USP31: variants seen among roughly 807,000 people sequenced by gnomAD.
USP31 encodes the protein ubiquitin carboxyl-terminal hydrolase 31.
Under a neutral mutation model 119.4 loss-of-function variants are expected in USP31, and 44 were observed. The observed-to-expected ratio is 0.37, with a 90% CI of 0.29 to 0.47. The LOEUF (loss-of-function observed/expected upper bound fraction) is 0.47, where lower values mean the gene tolerates loss of function less well. Among genes scored for constraint, USP31 ranks in the 20% least tolerant of loss-of-function variants. The pLI is 0.99. For synonymous variants in USP31, 749 were observed against 705.6 expected, an observed-to-expected ratio of 1.06 and a Z score of -0.97; for missense variants, 1,643 against 1,730.2, an observed-to-expected ratio of 0.95 and a Z score of 0.89.
intron 1 of USP31, among the ~76,000 whole-genome samples, chr16:23,117,975 G>C (rs888445847): frequency 2.0e-5 from 3 of 152,114 alleles, no homozygotes; most frequent in Non-Finnish European, 4.4e-5. Context: ...TTTTAGTAGA[G>C]ATGGGGTTTC....
At position 23,090,658 on chromosome 16, in the gene USP31, A is replaced by T. The variant is rs755441988; in HGVS notation, c.1381T>A (p.Cys461Ser). ...TGTTGCCCAGTGCAGGCTCGGTTACACACCAACAGGACAATCTTGTCGCTG... is the reference window on the plus strand; with the variant it reads ...TGTTGCCCAGTGCAGGCTCGGTTACTCACCAACAGGACAATCTTGTCGCTG... ...AGSDKIVLLV[C>S]NRACTGQQGK... The change falls in exon 7 of 16, where the codon TGT becomes AGT. Residue 461 changes from cysteine (C) to serine (S), a missense_variant. This residue lies in a region of USP31 where 219 missense variants were observed against 226.4 expected (regional missense o/e 0.97). Coordinates refer to ENST00000219689, the MANE Select transcript of USP31 (RefSeq NM_020718.4). 8 of 1,613,864 alleles carry T rather than the reference A, an allele frequency of 5.0e-6. No homozygotes were observed. The highest frequency in any genetic ancestry group is 5.9e-6 in the Non-Finnish European group (7 of 1,179,784).
intron 1 of USP31, among the ~76,000 whole-genome samples, chr16:23,125,628 G>C (rs1054972264): frequency 1.3e-5 from 2 of 152,138 alleles, no homozygotes; most frequent in Non-Finnish European, 2.9e-5. Context: ...TTTTAAAGGA[G>C]TTTGTCCTTT....
intron 11 of USP31, among the ~76,000 whole-genome samples, chr16:23,084,049 G>A (rs1900977792): frequency 6.6e-6 from 1 of 152,134 alleles, no homozygotes; most frequent in Admixed American, 6.6e-5. Flanking sequence ...TTGAAATTAA[G>A]CAGAAGAAGA....
chr16:23,079,918 C>T, intron 13 of USP31, 28 bp downstream of exon 13: 1 of 1,560,912 alleles, frequency 6.4e-7, no homozygotes, highest in Non-Finnish European at 8.7e-7. Context: ...CTCGCCAGCA[C>T]AGACACGCAG....
chr16:23,080,215 A>G, intron 12 of USP31, 44 bp from the exon 13 acceptor site: 15 of 1,487,564 alleles, frequency 1.0e-5, no homozygotes, highest in Non-Finnish European at 1.4e-5. Context: ...TTTTAATGCA[A>G]GCAGATGGCA....
intron 12 of USP31, 149 bp from the exon 13 acceptor site, chr16:23,080,320 G>A (rs1359352116): frequency 4.3e-6 from 3 of 703,196 alleles, no homozygotes; most frequent in Non-Finnish European, 7.0e-6. Flanking sequence ...GGAAACAGAT[G>A]ATAGTTTTAG....
chr16:23,097,807 T>C (rs1901678092), intron 6 of USP31, among the ~76,000 whole-genome samples: 1 of 152,184 alleles, frequency 6.6e-6, no homozygotes, highest in South Asian at 2.1e-4. Context: ...AAACTAGGCA[T>C]TGATGGAACG....
At chr16:23,118,782 C>T (rs1006372213) in intron 1 of USP31, among the ~76,000 whole-genome samples, 2 of 152,026 alleles carry the variant, frequency 1.3e-5, no homozygotes, top group East Asian at 1.9e-4. Context: ...AGGCATTACG[C>T]TTATTGCTTA....
At chr16:23,108,825 G>A (rs1338029997) in intron 1 of USP31, among the ~76,000 whole-genome samples, 1 of 151,964 alleles carries the variant, frequency 6.6e-6, no homozygotes, top group Non-Finnish European at 1.5e-5. Context: ...TAAAAGTTTT[G>A]TTTCAAACTT....
chr16:23,110,683 T>A (rs1295300459), intron 1 of USP31, among the ~76,000 whole-genome samples: 1 of 152,156 alleles, frequency 6.6e-6, no homozygotes, highest in East Asian at 1.9e-4. Flanking sequence ...CACTTCCTAT[T>A]TGTGAGGCCT....
In USP31 at chr16:23,080,025, C is replaced by T; in HGVS notation, c.2097G>A (p.Gly699=). ...CATAGATGTAGTCCTCAGGGTCCCT[C>T]CCGAGTCCATAGGGCCGTCTCCACG... ...WSPWRRPYGL[G]RDPEDYIYDL... Residue 699 remains glycine, a synonymous_variant, in exon 13 of 16, where the codon GGG becomes GGA. Coordinates refer to ENST00000219689, the MANE Select transcript of USP31 (RefSeq NM_020718.4). 1 of 1,614,098 alleles carries T rather than the reference C, an allele frequency of 6.2e-7. No individual in the cohort carries two copies. Among genetic ancestry groups the T allele is most frequent in the Non-Finnish European group, 8.5e-7 (1 of 1,180,016 alleles).
intron 12 of USP31, 83 bp from the exon 13 acceptor site, chr16:23,080,254 A>G (rs1293965807): frequency 7.3e-6 from 9 of 1,232,882 alleles, no homozygotes; most frequent in Non-Finnish European, 1.1e-6. Flanking sequence ...TGTGGATCCT[A>G]TCAGACAAAG....
At chr16:23,077,495 T>C (rs540624261) in intron 13 of USP31, among the ~76,000 whole-genome samples, 1 of 152,272 alleles carries the variant, frequency 6.6e-6, no homozygotes, top group Admixed American at 6.5e-5. Flanking sequence ...CCTTGGCTGA[T>C]GGGGAGGGAG....
chr16:23,094,525 G>C (rs1324215901), intron 6 of USP31, among the ~76,000 whole-genome samples: 2 of 152,228 alleles, frequency 1.3e-5, no homozygotes, highest in East Asian at 3.9e-4. Flanking sequence ...TGAGCTCTGA[G>C]AATGGACAGA....
intron 13 of USP31, among the ~76,000 whole-genome samples, chr16:23,076,650 A>G (rs1349737335): frequency 2.0e-5 from 3 of 152,200 alleles, no homozygotes; most frequent in African/African-American, 7.2e-5. Flanking sequence ...ATTTTCCAAG[A>G]TCTATTCTAT....
intron 7 of USP31, among the ~76,000 whole-genome samples, chr16:23,089,812 G>C (rs191677609): frequency 3.5e-4 from 54 of 152,272 alleles, no homozygotes; most frequent in African/African-American, 7.2e-4. Flanking sequence ...TTCTGACTTA[G>C]AAACCTGAAT....
In USP31 at chr16:23,063,614, A is replaced by T. The variant is rs1224306280; in HGVS notation, c.*4432T>A. On this transcript the variant is annotated 3_prime_UTR_variant, in exon 16 of 16. Coordinates refer to ENST00000219689, the MANE Select transcript of USP31 (RefSeq NM_020718.4). Reference sequence around the variant, plus strand: ...TTACAATCTCGCCAATGATCAGAAAAACAGCAGAGAAATATATGCAGAGCA... The same window carrying T: ...TTACAATCTCGCCAATGATCAGAAATACAGCAGAGAAATATATGCAGAGCA... The T allele has an allele frequency of 1.3e-5, 2 of 152,548 alleles. No homozygotes were observed. Among genetic ancestry groups the T allele is most frequent in the Non-Finnish European group, 2.9e-5 (2 of 68,030 alleles). The allele number at this position is 152,548 out of a possible 1,614,324, so 9.4% of individuals were successfully genotyped here. A position where few individuals can be genotyped will look rare whatever the true frequency, so the allele number is the denominator to read the frequency against.
Position 23,106,251 on chromosome 16 carries a change from G to A in USP31, c.915C>T (p.Phe305=). Residue 305 remains phenylalanine, a synonymous_variant, in exon 4 of 16, where the codon TTC becomes TTT. Transcript: ENST00000219689. ...GAGGAATTGGCAAAGAAATGCAAAG[G>A]AAAGGATCAAAAGTGTTGCTCTGTT... ...CQKQSNTFDP[F]LCISLPIPLP... 1 of 1,614,152 alleles carries A rather than the reference G, an allele frequency of 6.2e-7. No individual in the cohort carries two copies. Among genetic ancestry groups the A allele is most frequent in the Non-Finnish European group, 8.5e-7 (1 of 1,180,022 alleles).
rs898038732 is a variant in USP31, at chr16:23,062,371, T to G, written c.*5675A>C. 5 of 137,564 alleles carry G rather than the reference T, an allele frequency of 3.6e-5. No homozygotes were observed. The highest frequency in any genetic ancestry group is 1.3e-4 in the African/African-American group (5 of 38,998). The allele number at this position is 137,564 out of a possible 1,614,324, so 8.5% of individuals were successfully genotyped here. On this transcript the variant is annotated 3_prime_UTR_variant, in exon 16 of 16. Coordinates refer to ENST00000219689, the MANE Select transcript of USP31 (RefSeq NM_020718.4). ...AACACGAAAAAATAGCAATAAGGGTTTTTTTTTTTTAAAAAAAAGACACCA... is the reference window on the plus strand; with the variant it reads ...AACACGAAAAAATAGCAATAAGGGTGTTTTTTTTTTAAAAAAAAGACACCA...
Sources: gnomAD v4.1 joint callset for allele counts (sites outside exome capture counted in the v4.1 genomes callset) on GRCh38, gnomAD v4.1.1 for gene constraint, gnomAD v4.1.1 regional missense constraint, MANE v1.5 for transcripts, NCBI Gene and HGNC (gene_info 2026-07-23, HGNC 2026-07-21) for gene names.